METTL21A: variants seen among roughly 807,000 people sequenced by gnomAD.
The protein encoded by METTL21A is protein N-lysine methyltransferase METTL21A.
Under a neutral mutation model 20.9 loss-of-function variants are expected in METTL21A, and 22 were observed. The ratio of observed to expected loss-of-function variants is 1.05; its 90% CI spans 0.75 to 1.50. METTL21A has a LOEUF of 1.50. METTL21A is among the 40% of genes most tolerant of loss of function. The pLI is 0.00. For synonymous variants in METTL21A, 93 were observed against 102.0 expected, an observed-to-expected ratio of 0.91 and a Z score of 0.53; for missense variants, 271 against 266.8, an observed-to-expected ratio of 1.02 and a Z score of -0.11.
At chr2:207,591,118 G>T (rs1367824423) in intron 3 of METTL21A, among the ~76,000 whole-genome samples, 1 of 152,124 alleles carries the variant, frequency 6.6e-6, no homozygotes, top group Non-Finnish European at 1.5e-5. Context: ...GATAGGTGTA[G>T]TTGATTATGT....
At chr2:207,616,723 G>A (rs1241243833) in intron 3 of METTL21A, among the ~76,000 whole-genome samples, 2 of 152,154 alleles carry the variant, frequency 1.3e-5, no homozygotes, top group Admixed American at 6.5e-5. Flanking sequence ...GCAGGCGCCT[G>A]TAATCCCAGC....
At chr2:207,583,845 C>T (rs1286608231) in intron 3 of METTL21A, among the ~76,000 whole-genome samples, 1 of 152,134 alleles carries the variant, frequency 6.6e-6, no homozygotes, top group African/African-American at 2.4e-5. Context: ...GTCAGCTTCC[C>T]CCACGCCCTG....
At chr2:207,624,106 TTAAA>T (rs773793182) in intron 2 of METTL21A, 119 bp downstream of exon 2, 69 of 1,207,304 alleles carry the variant, frequency 5.7e-5, no homozygotes, top group Non-Finnish European at 7.7e-5. Context: ...ATTGTGCACT[TTAAA>T]TAGGTAAAGT....
chr2:207,588,297 A>C (rs759406203), intron 3 of METTL21A, among the ~76,000 whole-genome samples: 2 of 152,076 alleles, frequency 1.3e-5, no homozygotes, highest in African/African-American at 2.4e-5. Context: ...TGAAAAGACT[A>C]TTCTTTCTCT....
chr2:207,597,676 G>T, intron 3 of METTL21A: 1 of 206,528 alleles, frequency 4.8e-6, no homozygotes, highest in Non-Finnish European at 9.9e-6. Flanking sequence ...ATTTGTCCTT[G>T]GTTCTTAAAA....
At chr2:207,608,194 T>C (rs2088429705), downstream of METTL21A, among the ~76,000 whole-genome samples, 6 of 152,258 alleles carry the variant, frequency 3.9e-5, 1 homozygote, top group South Asian at 1.2e-3. Flanking sequence ...AGCTGAGGAC[T>C]TCCCCGACTA....
At chr2:207,591,103 T>C (rs1403549290) in intron 3 of METTL21A, among the ~76,000 whole-genome samples, 1 of 152,212 alleles carries the variant, frequency 6.6e-6, no homozygotes, top group African/African-American at 2.4e-5. Context: ...ATCATATCAA[T>C]GTCAGATAGG....
chr2:207,582,917 A>AT (rs201189944), intron 3 of METTL21A: 335 of 226,302 alleles, frequency 1.5e-3, no homozygotes, highest in South Asian at 2.4e-3. Flanking sequence ...AAACAAAAAA[A>AT]AATATATATA....
In METTL21A at chr2:207,613,143, A is replaced by G. The variant is rs761816718; in HGVS notation, c.560T>C (p.Leu187Pro). 22 of 1,613,784 alleles carry G rather than the reference A, an allele frequency of 1.4e-5. No homozygotes were observed. The highest frequency in any genetic ancestry group is 4.5e-5 in the East Asian group (2 of 44,868). The change falls in exon 4 of 4, where the codon CTG (leucine) becomes CCG (proline). Residue 187 changes from leucine (L) to proline (P), a missense_variant. Transcript: ENST00000406927. Reference sequence around the variant, plus strand: ...CTTTCTCACAGTAAATTGCCTCTCCAGCATTGCTAAGAAGTTGTTATCCCG... The same window carrying G: ...CTTTCTCACAGTAAATTGCCTCTCCGGCATTGCTAAGAAGTTGTTATCCCG...
intron 3 of METTL21A, chr2:207,602,997 T>C (rs1030288391): frequency 1.0e-4 from 22 of 213,994 alleles, no homozygotes; most frequent in African/African-American, 4.5e-4. Flanking sequence ...TTTTTGGTTT[T>C]TGAGGGTTGG....
chr2:207,587,300 G>A (rs1413629897), intron 3 of METTL21A, among the ~76,000 whole-genome samples: 2 of 151,780 alleles, frequency 1.3e-5, no homozygotes, highest in African/African-American at 4.8e-5. Flanking sequence ...GGCTGAGGCA[G>A]GAGAATGGCG....
chr2:207,612,174 A>C (rs1295027731), downstream of METTL21A: 2 of 126,352 alleles, frequency 1.6e-5, no homozygotes, highest in Non-Finnish European at 3.1e-5. Flanking sequence ...ATCTCAGCTC[A>C]CTGCAACCTC....
intron 3 of METTL21A, 84 bp from the exon 4 acceptor site, chr2:207,613,527 G>C: frequency 7.7e-7 from 1 of 1,296,916 alleles, no homozygotes; most frequent in South Asian, 1.5e-5. Context: ...AATGTAGAGT[G>C]TCTCTTAAAT....
At chr2:207,593,719 C>CTTTTT (rs5838079) in intron 3 of METTL21A, among the ~76,000 whole-genome samples, 1 of 102,676 alleles carries the variant, frequency 9.7e-6, no homozygotes, top group Non-Finnish European at 1.9e-5. Context: ...TCCTCACAAA[C>CTTTTT]TTTTTTTTTT....
intron 3 of METTL21A, among the ~76,000 whole-genome samples, chr2:207,589,949 T>TA (rs1574976960): frequency 6.6e-6 from 1 of 152,298 alleles, no homozygotes; most frequent in East Asian, 1.9e-4. Context: ...GCTGACCTTA[T>TA]AAATGAGGTG....
chr2:207,600,251 A>G (rs1055508856), intron 3 of METTL21A: 2 of 163,160 alleles, frequency 1.2e-5, no homozygotes, highest in Non-Finnish European at 2.6e-5. Flanking sequence ...ATATATATAT[A>G]TATATATATA....
exon 4 of METTL21A, chr2:207,581,808 G>C: frequency 1.4e-6 from 1 of 698,988 alleles, no homozygotes; most frequent in East Asian, 2.7e-5. Flanking sequence ...TCCAGTTTGG[G>C]TACCATATCG....
intron 2 of METTL21A, among the ~76,000 whole-genome samples, chr2:207,623,509 C>G (rs1413628012): frequency 6.6e-6 from 1 of 152,140 alleles, no homozygotes; most frequent in Non-Finnish European, 1.5e-5. Flanking sequence ...AAAGAAAACA[C>G]ATAATCTCCA....
At chr2:207,584,538 A>G (rs1387069709) in intron 3 of METTL21A, among the ~76,000 whole-genome samples, 2 of 152,018 alleles carry the variant, frequency 1.3e-5, no homozygotes, top group Admixed American at 6.5e-5. Flanking sequence ...CTGAGTAGTC[A>G]GGATTACAGG....
Sources: gnomAD v4.1 joint callset for allele counts (sites outside exome capture counted in the v4.1 genomes callset) on GRCh38, gnomAD v4.1.1 for gene constraint, MANE v1.5 for transcripts, NCBI Gene and HGNC (gene_info 2026-07-23, HGNC 2026-07-21) for gene names.